The following CNTLN variants were observed in gnomAD, a reference collection of about 807,000 sequenced individuals.
The protein encoded by CNTLN is centlein.
CNTLN carries 212 observed loss-of-function variants against 180.0 expected under a neutral mutation model. The ratio of observed to expected loss-of-function variants is 1.18; its 90% CI spans 1.05 to 1.32. The LOEUF (loss-of-function observed/expected upper bound fraction) is 1.32. Among genes scored for constraint, CNTLN ranks in the 40% most tolerant of loss-of-function variants. The pLI, the probability that CNTLN is intolerant of heterozygous loss-of-function variation, is 0.00. For synonymous variants in CNTLN, 722 were observed against 563.1 expected (o/e 1.28, Z -3.99); for missense variants, 2,095 against 1,610.9 (o/e 1.30, Z -5.14).
At chr9:17,445,899 C>CG (rs1161262190) in intron 18 of CNTLN, among the ~76,000 whole-genome samples, 1 of 149,680 alleles carries the variant, frequency 6.7e-6, no homozygotes, top group African/African-American at 2.6e-5. Flanking sequence ...GGTATAAAAC[C>CG]CGATTGTATG....
intron 19 of CNTLN, among the ~76,000 whole-genome samples, chr9:17,461,137 CAT>C (rs891939290): frequency 6.6e-6 from 1 of 151,294 alleles, no homozygotes; most frequent in African/African-American, 2.4e-5. Context: ...TAATATAATA[CAT>C]ATTAGTATAT....
At chr9:17,145,104 G>A (rs1457547020) in intron 2 of CNTLN, among the ~76,000 whole-genome samples, 1 of 149,902 alleles carries the variant, frequency 6.7e-6, no homozygotes, top group Non-Finnish European at 1.5e-5. Flanking sequence ...GCCTCCCAAA[G>A]TGCTGGGATT....
At chr9:17,320,723 G>A (rs933240022) in intron 8 of CNTLN, among the ~76,000 whole-genome samples, 3 of 151,726 alleles carry the variant, frequency 2.0e-5, no homozygotes, top group Admixed American at 6.6e-5. Flanking sequence ...GGCTGGTCTC[G>A]AACTCCTGAT....
chr9:17,404,283 T>A (rs1390988226), intron 15 of CNTLN, among the ~76,000 whole-genome samples: 1 of 151,794 alleles, frequency 6.6e-6, no homozygotes, highest in Non-Finnish European at 1.5e-5. Context: ...TCTCCAAGAA[T>A]GCATAGGTCC....
intron 1 of CNTLN, among the ~76,000 whole-genome samples, chr9:17,137,525 A>G (rs1817801894): frequency 6.6e-6 from 1 of 152,236 alleles, no homozygotes; most frequent in African/African-American, 2.4e-5. Flanking sequence ...GTACACACAT[A>G]TACAAACATA....
At chr9:17,224,976 G>A (rs1008746103) in intron 2 of CNTLN, among the ~76,000 whole-genome samples, 7 of 151,534 alleles carry the variant, frequency 4.6e-5, no homozygotes, top group Admixed American at 6.6e-5. Context: ...CCACCACCAC[G>A]TCCTTAACTA....
chr9:17,232,891 AATTG>A (rs1469107133), intron 3 of CNTLN, among the ~76,000 whole-genome samples: 1 of 152,026 alleles, frequency 6.6e-6, no homozygotes, highest in East Asian at 1.9e-4. Context: ...AGAGTAGAAA[AATTG>A]ATTGTAAATT....
rs569795002 is a variant in CNTLN, at chr9:17,492,350, A to G, written c.4119+5284A>G. On this transcript the variant is annotated intron_variant, in intron 25 of 25. Coordinates refer to ENST00000380647, the MANE Select transcript of CNTLN (RefSeq NM_017738.4). ...ATATATATTCTTGTGCTATAAGAAA[A>G]CAAAGAAGTTTGTAACCAGTATTCT... Among the ~76,000 whole-genome samples the G allele has an allele frequency of 2.0e-5, 3 of 152,182 alleles. No homozygotes were observed. In the South Asian group the frequency reaches 6.2e-4, roughly 32 times the overall value.
chr9:17,427,184 A>G (rs1417555700), intron 18 of CNTLN, among the ~76,000 whole-genome samples: 1 of 151,700 alleles, frequency 6.6e-6, no homozygotes, highest in Non-Finnish European at 1.5e-5. Flanking sequence ...GGTGATTTCC[A>G]TGCAGCAGGT....
chr9:17,231,700 G>GT, intron 3 of CNTLN, among the ~76,000 whole-genome samples: 1 of 151,828 alleles, frequency 6.6e-6, no homozygotes, highest in East Asian at 1.9e-4. Context: ...TGCTTTGTTT[G>GT]TTTTTTGTTA....
intron 18 of CNTLN, among the ~76,000 whole-genome samples, chr9:17,439,733 T>C (rs928949353): frequency 6.6e-6 from 1 of 152,190 alleles, no homozygotes; most frequent in African/African-American, 2.4e-5. Context: ...AAGTGGAGCC[T>C]TTGAGAATTA....
intron 13 of CNTLN, among the ~76,000 whole-genome samples, chr9:17,369,948 C>T (rs987294712): frequency 6.7e-6 from 1 of 150,270 alleles, no homozygotes; most frequent in Non-Finnish European, 1.5e-5. Context: ...GATCACGCCA[C>T]TGCACTCCAG....
intron 5 of CNTLN, among the ~76,000 whole-genome samples, chr9:17,265,537 G>A (rs201592931): frequency 6.6e-6 from 1 of 152,088 alleles, no homozygotes; most frequent in East Asian, 1.9e-4. Context: ...GCTTTGGTTT[G>A]AGGATGATGC....
At chr9:17,377,529 C>G (rs1464609906) in intron 13 of CNTLN, among the ~76,000 whole-genome samples, 1 of 152,222 alleles carries the variant, frequency 6.6e-6, no homozygotes, top group East Asian at 1.9e-4. Flanking sequence ...CGCCACTTCA[C>G]TCCAGCCTGG....
Position 17,457,545 on chromosome 9 carries a change from G to C in CNTLN, c.3136G>C (p.Gly1046Arg), listed in dbSNP as rs756865435. ...AAAGAAGCTAAATTTGGATTTGGCT[G>C]GGCTTCGGAAAGAAAAAGAAGATTT... is the stretch of plus-strand genomic sequence containing the variant. ...TIKKLNLDLA[G>R]LRKEKEDLLK... is the part of the protein sequence containing the mutation. The change falls in exon 19 of 26, where the codon GGG becomes CGG. Residue 1046 changes from glycine to arginine, a missense_variant. Coordinates refer to ENST00000380647, the MANE Select transcript of CNTLN (RefSeq NM_017738.4). The C allele has an allele frequency of 4.0e-6, 6 of 1,498,014 alleles. No homozygotes were observed. The African/African-American group carries it at 4.3e-5, about 11-fold the overall frequency. The allele number at this position is 1,498,014 out of a possible 1,614,324, so 92.8% of individuals were successfully genotyped here.
intron 25 of CNTLN, chr9:17,495,111 C>G: frequency 2.9e-6 from 1 of 346,678 alleles, no homozygotes; most frequent in East Asian, 7.8e-5. Context: ...AACTCCTGAG[C>G]TCAGGTGATC....
In CNTLN at chr9:17,265,694, T is replaced by G. The variant is rs867715301; in HGVS notation, c.850-8039T>G. On this transcript the variant is annotated intron_variant, in intron 5 of 25. Transcript: ENST00000380647. Reference sequence around the variant, plus strand: ...GGACTCTTTTTGGTTGGTAAGCTATTGATTATTGCCACAATTTCAGAGCCT... The same window carrying G: ...GGACTCTTTTTGGTTGGTAAGCTATGGATTATTGCCACAATTTCAGAGCCT... Among the ~76,000 whole-genome samples, 18 of 152,000 alleles carry G rather than the reference T, an allele frequency of 1.2e-4. No individual in the cohort carries two copies. In the Middle Eastern group the frequency reaches 0.024, roughly 201 times the overall value.
At chr9:17,159,513 A>G (rs1819532209) in intron 2 of CNTLN, among the ~76,000 whole-genome samples, 2 of 152,176 alleles carry the variant, frequency 1.3e-5, no homozygotes, top group Admixed American at 6.5e-5. Flanking sequence ...TGCTGCACCC[A>G]AAGTAGAGCC....
intron 5 of CNTLN, among the ~76,000 whole-genome samples, chr9:17,261,839 C>G (rs543549133): frequency 6.6e-6 from 1 of 151,308 alleles, no homozygotes; most frequent in South Asian, 2.1e-4. Flanking sequence ...ACCATTCTGA[C>G]AAAGGTATCC....
Sources: gnomAD v4.1 joint callset for allele counts (sites outside exome capture counted in the v4.1 genomes callset) on GRCh38, gnomAD v4.1.1 for gene constraint, MANE v1.5 for transcripts, NCBI Gene and HGNC (gene_info 2026-07-23, HGNC 2026-07-21) for gene names.